CMKLR1: variants seen among roughly 807,000 people sequenced by gnomAD.
The protein encoded by CMKLR1 is chemerin chemokine-like receptor 1, also known as chemerin-like receptor 1.
Under a neutral mutation model 8.2 loss-of-function variants are expected in CMKLR1, and 6 were observed. The ratio of observed to expected loss-of-function variants is 0.73; its 90% CI spans 0.40 to 1.44. CMKLR1 has a LOEUF of 1.44. Among genes scored for constraint, CMKLR1 ranks in the 40% most tolerant of loss-of-function variants. The probability of loss-of-function intolerance (pLI) is 0.02; values close to 1 mark genes in which losing one functional copy is unlikely to be tolerated. For synonymous variants in CMKLR1, 178 were observed against 181.2 expected (o/e 0.98, Z 0.14); for missense variants, 429 against 478.0 (o/e 0.90, Z 0.96).
intron 2 of CMKLR1, among the ~76,000 whole-genome samples, chr12:108,321,240 G>C (rs1891854601): frequency 1.3e-5 from 2 of 152,150 alleles, no homozygotes; most frequent in African/African-American, 2.4e-5. Context: ...TGCAAACTTA[G>C]GGAGGAGGGT....
chr12:108,296,962 T>C (rs980020492), intron 2 of CMKLR1, among the ~76,000 whole-genome samples: 2 of 152,230 alleles, frequency 1.3e-5, no homozygotes, highest in African/African-American at 4.8e-5. Context: ...CTTTGCCAAT[T>C]GTGAATTATA....
rs113922467 is a variant in CMKLR1, at chr12:108,333,202, C to T, written c.-286-2995G>A. Among the ~76,000 whole-genome samples the T allele has an allele frequency of 5.6e-3, 836 of 148,762 alleles. 7 individuals carry two copies. Among genetic ancestry groups the T allele is most frequent in the African/African-American group, 0.019 (793 of 40,928 alleles). On this transcript the variant is annotated intron_variant, in intron 1 of 3. Transcript: ENST00000550402. ...GCACAAGAGCTGCCCTCAGCAGGAA[C>T]CCAGGGCTGGAATCTGAGGACCCAT...
At chr12:108,336,423 G>A (rs1486015455) in intron 1 of CMKLR1, among the ~76,000 whole-genome samples, 2 of 152,156 alleles carry the variant, frequency 1.3e-5, no homozygotes, top group Admixed American at 1.3e-4. Context: ...GTGGGTGCCT[G>A]TAGTCGCAGC....
At chr12:108,310,616 T>A (rs1476592993) in intron 2 of CMKLR1, among the ~76,000 whole-genome samples, 18 of 152,022 alleles carry the variant, frequency 1.2e-4, no homozygotes, top group Non-Finnish European at 2.1e-4. Flanking sequence ...CCACCAATGC[T>A]CCAAGAAAGG....
Position 108,331,131 on chromosome 12 carries a change from C to A in CMKLR1, c.-286-924G>T, listed in dbSNP as rs373145541. 1.2e-4 allele frequency among the ~76,000 whole-genome samples: 18 copies of A among 152,300 alleles called. No individual in the cohort carries two copies. In the East Asian group the frequency reaches 3.5e-3, roughly 29 times the overall value. On this transcript the variant is annotated intron_variant, in intron 1 of 3. Coordinates refer to ENST00000550402, the MANE Select transcript of CMKLR1 (RefSeq NM_001142343.2). ...AGTACCTGGGATGGAGAGACTCAAG[C>A]TGGGAAGTTAAACTCCTGGGGGATC...
At chr12:108,316,799 G>T (rs1476470508) in intron 2 of CMKLR1, among the ~76,000 whole-genome samples, 1 of 152,200 alleles carries the variant, frequency 6.6e-6, no homozygotes, top group East Asian at 1.9e-4. Context: ...GCAGAAATGG[G>T]TGGGGCTTTT....
chr12:108,333,115 G>A (rs1226629000), intron 1 of CMKLR1, among the ~76,000 whole-genome samples: 3 of 152,180 alleles, frequency 2.0e-5, no homozygotes, highest in Non-Finnish European at 4.4e-5. Context: ...ATTTCCAGGA[G>A]GAAAAACCAA....
Position 108,288,878 on chromosome 12 carries a change from C to G in CMKLR1, c.*2963G>C, listed in dbSNP as rs554961451. ...TTCAGGCAGCTGACCTGATTCAAAG[C>G]CCAGCTCCATACCTCACTAGCTGTG... On this transcript the variant is annotated 3_prime_UTR_variant, in exon 4 of 4. Coordinates refer to ENST00000550402, the MANE Select transcript of CMKLR1 (RefSeq NM_001142343.2). The G allele has an allele frequency of 2.2e-4, 33 of 152,308 alleles. No homozygotes were observed. Among genetic ancestry groups the G allele is most frequent in the African/African-American group, 7.5e-4 (31 of 41,548 alleles). 9.4% of individuals were successfully genotyped at this position (152,308 alleles called of 1,614,324 possible).
chr12:108,315,450 T>A (rs1480043849), intron 2 of CMKLR1, among the ~76,000 whole-genome samples: 1 of 152,154 alleles, frequency 6.6e-6, no homozygotes, highest in Non-Finnish European at 1.5e-5. Flanking sequence ...TCCTACAGTT[T>A]CCCTACTCAT....
At chr12:108,306,962 T>C (rs1891424306) in intron 2 of CMKLR1, among the ~76,000 whole-genome samples, 3 of 152,174 alleles carry the variant, frequency 2.0e-5, no homozygotes, top group Non-Finnish European at 2.9e-5. Flanking sequence ...CCCCCAATAA[T>C]GGGTCCCGTA....
At chr12:108,296,757 G>A (rs901427821) in intron 2 of CMKLR1, among the ~76,000 whole-genome samples, 5 of 152,006 alleles carry the variant, frequency 3.3e-5, no homozygotes, top group African/African-American at 7.3e-5. Flanking sequence ...ACCCAGGAGC[G>A]GAGGTTGCAG....
intron 1 of CMKLR1, among the ~76,000 whole-genome samples, chr12:108,335,270 T>C (rs1199705822): frequency 6.6e-6 from 1 of 152,192 alleles, no homozygotes; most frequent in East Asian, 1.9e-4. Context: ...TGTCCTGGCC[T>C]CCTTTGCAAC....
intron 2 of CMKLR1, among the ~76,000 whole-genome samples, chr12:108,329,369 ATCTC>A (rs1339574762): frequency 6.6e-6 from 1 of 152,034 alleles, no homozygotes; most frequent in Admixed American, 6.6e-5. Flanking sequence ...CCTGCCTAAA[ATCTC>A]TCTCATGTCT....
chr12:108,295,755 G>T (rs76572510), intron 2 of CMKLR1, among the ~76,000 whole-genome samples: 6 of 152,220 alleles, frequency 3.9e-5, no homozygotes, highest in Admixed American at 6.5e-5. Context: ...TGTGAGTCCC[G>T]AGAGGAGGTC....
chr12:108,301,071 CTTTTT>C (rs11303250), intron 2 of CMKLR1, among the ~76,000 whole-genome samples: 41 of 90,410 alleles, frequency 4.5e-4, no homozygotes, highest in African/African-American at 1.5e-3. Context: ...CCACCCAAGT[CTTTTT>C]TTTTTTTTTT....
chr12:108,338,540 C>T (rs1490313094), intron 1 of CMKLR1, among the ~76,000 whole-genome samples: 2 of 152,116 alleles, frequency 1.3e-5, no homozygotes, highest in Non-Finnish European at 2.9e-5. Context: ...TTCCAGGGTG[C>T]AGTGTGACCA....
chr12:108,305,043 C>G (rs190365079), intron 2 of CMKLR1, among the ~76,000 whole-genome samples: 1 of 152,372 alleles, frequency 6.6e-6, no homozygotes, highest in East Asian at 1.9e-4. Context: ...TCAGACACCT[C>G]TCCTCCAATT....
chr12:108,316,886 C>T lies in CMKLR1; in HGVS notation c.-74+13109G>A, dbSNP rs567712278. Among the ~76,000 whole-genome samples the T allele has an allele frequency of 9.1e-4, 139 of 152,354 alleles. 2 individuals carry two copies. The highest frequency in any genetic ancestry group is 3.2e-3 in the African/African-American group (135 of 41,584). On this transcript the variant is annotated intron_variant, in intron 2 of 3. Transcript: ENST00000550402. ...AATCACAGCTCACTGCAGCCTCAAC[C>T]TCCCTGGGCTCAAGTGATCCTCCCA...
chr12:108,335,144 A>G lies in CMKLR1; in HGVS notation c.-287+3883T>C, dbSNP rs534085886. Among the ~76,000 whole-genome samples the G allele has an allele frequency of 7.2e-5, 11 of 152,310 alleles. No homozygotes were observed. In the East Asian group the frequency reaches 1.9e-3, roughly 27 times the overall value. ...TGGAAGCAACCCAAGAGGTCACCAC[A>G]TTTGTGACAGAGACAGGTAGCTGTC... On this transcript the variant is annotated intron_variant, in intron 1 of 3. Coordinates refer to ENST00000550402, the MANE Select transcript of CMKLR1 (RefSeq NM_001142343.2).
Sources: allele counts gnomAD v4.1 joint callset (sites outside exome capture counted in the v4.1 genomes callset), GRCh38; gene constraint gnomAD v4.1.1; transcripts MANE v1.5; gene names NCBI Gene and HGNC (gene_info 2026-07-23, HGNC 2026-07-21).